Variants in DCAF8 observed in about 807,000 individuals in gnomAD.
The protein encoded by DCAF8 is DDB1 and CUL4 associated factor 8.
In DCAF8, 20 loss-of-function variants were observed where a neutral mutation model predicts 68.0. The observed-to-expected ratio is 0.29, with a 90% CI of 0.21 to 0.43. DCAF8 has a LOEUF of 0.43. Among genes scored for constraint, DCAF8 ranks in the 20% least tolerant of loss-of-function variants. The pLI is 1.00. For missense variants in DCAF8, 460 were observed against 771.0 expected (o/e 0.60, Z 4.78); for synonymous variants, 230 against 276.9 (o/e 0.83, Z 1.68).
At chr1:160,238,301 A>G (rs1253496941) in intron 5 of DCAF8, among the ~76,000 whole-genome samples, 1 of 152,238 alleles carries the variant, frequency 6.6e-6, no homozygotes, top group East Asian at 1.9e-4. Flanking sequence ...AATACCCTAA[A>G]AAATCACAAT....
intron 2 of DCAF8, among the ~76,000 whole-genome samples, chr1:160,256,012 CTTTTTTTTTTTT>C (rs11284812): frequency 2.6e-5 from 2 of 75,488 alleles, no homozygotes; most frequent in African/African-American, 5.1e-5. Context: ...ACTAAGCAAA[CTTTTTTTTTTTT>C]TTTTTTTTTT....
At chr1:160,243,613 T>A (rs1276086802) in intron 3 of DCAF8, among the ~76,000 whole-genome samples, 1 of 152,132 alleles carries the variant, frequency 6.6e-6, no homozygotes, top group Admixed American at 6.6e-5. Flanking sequence ...GAAGCTCATC[T>A]TCCCTAAAAT....
At chr1:160,262,324 C>T in intron 1 of DCAF8, 125 bp downstream of exon 1, 1 of 399,360 alleles carries the variant, frequency 2.5e-6, no homozygotes, top group African/African-American at 2.1e-5. Context: ...GTTACAAGCA[C>T]GGGAATCGGC....
intron 6 of DCAF8, among the ~76,000 whole-genome samples, chr1:160,235,783 G>A (rs757250554): frequency 6.6e-6 from 1 of 151,278 alleles, no homozygotes; most frequent in African/African-American, 2.4e-5. Context: ...CCGTCACTCA[G>A]GATGGAGTGC....
rs1655158130 is a variant in DCAF8, at chr1:160,217,474, T to C, written c.*118A>G. The C allele has an allele frequency of 4.4e-6, 3 of 687,756 alleles. No individual in the cohort carries two copies. Among genetic ancestry groups the C allele is most frequent in the Non-Finnish European group, 4.9e-6 (2 of 411,520 alleles). The allele number at this position is 687,756 out of a possible 1,614,324, so 42.6% of individuals were successfully genotyped here. ...TCCTTCTCCTGGGATGTCTTTCTTTTATCTAAAGCAAAAAGTCCAAAGTGC... is the reference window on the plus strand; with the variant it reads ...TCCTTCTCCTGGGATGTCTTTCTTTCATCTAAAGCAAAAAGTCCAAAGTGC... On this transcript the variant is annotated 3_prime_UTR_variant, in exon 14 of 14. Coordinates refer to ENST00000368074, the MANE Select transcript of DCAF8 (RefSeq NM_015726.4).
At chr1:160,260,761 G>A (rs1163675467) in intron 2 of DCAF8, among the ~76,000 whole-genome samples, 4 of 149,216 alleles carry the variant, frequency 2.7e-5, no homozygotes, top group African/African-American at 9.9e-5. Context: ...ATCCTAAAAA[G>A]TCGGAATTCT....
intron 7 of DCAF8, among the ~76,000 whole-genome samples, chr1:160,229,915 C>A (rs1206498124): frequency 6.6e-6 from 1 of 151,736 alleles, no homozygotes; most frequent in African/African-American, 2.4e-5. Flanking sequence ...CCCAGCTACT[C>A]GGGAGGCTGA....
chr1:160,255,863 G>GC (rs1656814819), intron 2 of DCAF8, among the ~76,000 whole-genome samples: 1 of 151,632 alleles, frequency 6.6e-6, no homozygotes, highest in Admixed American at 6.6e-5. Context: ...CAGGTGATCC[G>GC]CCCGTCTCAG....
intron 3 of DCAF8, among the ~76,000 whole-genome samples, chr1:160,241,971 G>T (rs182689252): frequency 6.6e-6 from 1 of 152,292 alleles, no homozygotes; most frequent in Admixed American, 6.5e-5. Context: ...GGCTGGGCGC[G>T]GTGGCTAACA....
chr1:160,240,510 G>A lies in DCAF8; in HGVS notation c.50-140C>T, dbSNP rs1571098546. ...AGTGTTTTCATTACAAATAATTACA[G>A]AGAGTACCCTCTGAGGGGAAATCTT... is the stretch of plus-strand genomic sequence containing the variant. On this transcript the variant is annotated intron_variant, in intron 3 of 13. Coordinates refer to ENST00000368074, the MANE Select transcript of DCAF8 (RefSeq NM_015726.4). 4.1e-6 allele frequency: 3 copies of A among 739,000 alleles called. No individual in the cohort carries two copies. In the East Asian group the frequency reaches 7.9e-5, roughly 19 times the overall value. 45.8% of individuals were successfully genotyped at this position (739,000 alleles called of 1,614,324 possible).
At chr1:160,224,367 A>G (rs1365932651) in intron 10 of DCAF8, 75 bp downstream of exon 10, 2 of 1,115,042 alleles carry the variant, frequency 1.8e-6, no homozygotes, top group East Asian at 2.4e-5. Flanking sequence ...TTCTATTTGT[A>G]TAACCTGAGT....
intron 11 of DCAF8, chr1:160,221,035 C>A (rs1367556269): frequency 1.3e-5 from 2 of 152,274 alleles, no homozygotes; most frequent in African/African-American, 4.8e-5. Flanking sequence ...CTCTTAGGAC[C>A]ACTAAAACTT....
Position 160,231,279 on chromosome 1 carries a change from A to T in DCAF8, c.1070+18T>A. ...AGTCTTACAAACTGTCAAAGACACAAAAGAGCCACAAACTCACCTTACAAA... is the reference window on the plus strand; with the variant it reads ...AGTCTTACAAACTGTCAAAGACACATAAGAGCCACAAACTCACCTTACAAA... On this transcript the variant is annotated intron_variant, in intron 7 of 13. Coordinates refer to ENST00000368074, the MANE Select transcript of DCAF8 (RefSeq NM_015726.4). 1 of 1,585,042 alleles carries T rather than the reference A, an allele frequency of 6.3e-7. No homozygotes were observed. Among genetic ancestry groups the T allele is most frequent in the South Asian group, 1.1e-5 (1 of 90,334 alleles).
chr1:160,248,972 A>C (rs1226455272), intron 2 of DCAF8, among the ~76,000 whole-genome samples: 1 of 151,838 alleles, frequency 6.6e-6, no homozygotes, highest in African/African-American at 2.4e-5. Context: ...CGGGCAGATC[A>C]CCTGAGGTCA....
chr1:160,241,921 A>G (rs1656130045), intron 3 of DCAF8, among the ~76,000 whole-genome samples: 1 of 152,236 alleles, frequency 6.6e-6, no homozygotes, highest in African/African-American at 2.4e-5. Flanking sequence ...CTTTGATTCA[A>G]GCAGTAACAG....
At chr1:160,237,251 C>G in intron 5 of DCAF8, 22 bp from the exon 6 acceptor site, 1 of 1,499,726 alleles carries the variant, frequency 6.7e-7, no homozygotes, top group Non-Finnish European at 9.1e-7. Flanking sequence ...AAAGGAAAAA[C>G]ATGAGGTTTC....
rs183425907 is a variant in DCAF8, at chr1:160,241,550, C to T, written c.50-1180G>A. ...CTACATACTGCATTCTCTTAACTCA[C>T]AACAGTCAAGTCAATTCCAATGAGA... On this transcript the variant is annotated intron_variant, in intron 3 of 13. Transcript: ENST00000368074. Among the ~76,000 whole-genome samples the T allele has an allele frequency of 3.9e-5, 6 of 152,322 alleles. No individual in the cohort carries two copies. The East Asian group carries it at 9.6e-4, about 24-fold the overall frequency.
chr1:160,220,441 G>C (rs1006484098), intron 11 of DCAF8: 1 of 152,370 alleles, frequency 6.6e-6, no homozygotes, highest in Non-Finnish European at 1.5e-5. Flanking sequence ...AGAGGAACAA[G>C]AGAATAACAT....
In DCAF8 at chr1:160,240,046, C is replaced by T. The variant is rs146888991; in HGVS notation, c.374G>A (p.Arg125His). The T allele has an allele frequency of 5.6e-6, 9 of 1,614,112 alleles. No individual in the cohort carries two copies. The highest frequency in any genetic ancestry group is 1.1e-5 in the South Asian group (1 of 91,088). The change falls in exon 4 of 14, where the codon CGT becomes CAT. Residue 125 changes from arginine to histidine, a missense_variant. Transcript: ENST00000368074. ...CTCATCATCTGATGAGTCCTGGTCACGGTTAGCCCGCTTGCGCTGTACACG... is the reference window on the plus strand; with the variant it reads ...CTCATCATCTGATGAGTCCTGGTCATGGTTAGCCCGCTTGCGCTGTACACG... ...RRRVQRKRAN[R>H]DQDSSDDERA...
Sources: allele counts gnomAD v4.1 joint callset (sites outside exome capture counted in the v4.1 genomes callset), GRCh38; gene constraint gnomAD v4.1.1; transcripts MANE v1.5; gene names NCBI Gene and HGNC (gene_info 2026-07-23, HGNC 2026-07-21).